Variants in CSPG5 observed in about 807,000 individuals in gnomAD.
The protein encoded by CSPG5 is acidic leucine-rich EGF-like domain-containing brain protein.
Under a neutral mutation model 39.8 loss-of-function variants are expected in CSPG5, and 25 were observed. That is an observed-to-expected ratio of 0.63 (90% CI 0.46 to 0.88). The LOEUF (loss-of-function observed/expected upper bound fraction) is 0.88. CSPG5 is among the 40% of genes least tolerant of loss of function. The probability of loss-of-function intolerance (pLI) is 0.00; values close to 1 mark genes in which losing one functional copy is unlikely to be tolerated. For missense variants in CSPG5, 627 were observed against 702.2 expected (o/e 0.89, Z 1.21); for synonymous variants, 295 against 303.9 (o/e 0.97, Z 0.31).
rs1379768815 is a variant in CSPG5 at position 47,577,252 on chromosome 3, G to T, written c.774C>A (p.Thr258=). Reference sequence around the variant, plus strand: ...GGTAGAAATCAGATTCATCGAAGGGGGTGAAATCATCGTATAAGTCAAGCA... The same window carrying T: ...GGTAGAAATCAGATTCATCGAAGGGTGTGAAATCATCGTATAAGTCAAGCA... ...WSLLDLYDDF[T]PFDESDFYPT... Residue 258 remains threonine, a synonymous_variant, in exon 2 of 5, where the codon ACC becomes ACA. Coordinates refer to ENST00000264723, the MANE Select transcript of CSPG5 (RefSeq NM_006574.4). This position sits in a 1 kb window ranked among gnomAD's most constrained non-coding sequence, Gnocchi z 4.7. 6.2e-7 allele frequency: 1 copy of T among 1,611,498 alleles called. No individual in the cohort carries two copies. Among genetic ancestry groups the T allele is most frequent in the South Asian group, 1.1e-5 (1 of 90,570 alleles).
At chr3:47,565,391 C>T (rs534046306) in intron 4 of CSPG5, among the ~76,000 whole-genome samples, 3 of 152,286 alleles carry the variant, frequency 2.0e-5, no homozygotes, top group African/African-American at 7.2e-5. Context: ...GAACTTGATC[C>T]TATTAAGCCA....
At chr3:47,565,982 C>T (rs2031281957) in intron 4 of CSPG5, among the ~76,000 whole-genome samples, 1 of 152,230 alleles carries the variant, frequency 6.6e-6, no homozygotes, top group Non-Finnish European at 1.5e-5. Context: ...CTAAGGCCCA[C>T]CAGCTACAGA....
At chr3:47,576,441 G>T (rs2031734271) in intron 2 of CSPG5, among the ~76,000 whole-genome samples, 1 of 151,360 alleles carries the variant, frequency 6.6e-6, no homozygotes, top group African/African-American at 2.4e-5. Flanking sequence ...TGCCTGTCAC[G>T]CTGCCCTCTG....
chr3:47,564,552 A>G (rs922017938), intron 4 of CSPG5, among the ~76,000 whole-genome samples: 1 of 152,206 alleles, frequency 6.6e-6, no homozygotes, highest in Admixed American at 6.5e-5. Flanking sequence ...AATGAACTTC[A>G]TAGAGTACTG....
At chr3:47,573,451 C>T (rs187029027) in intron 2 of CSPG5, among the ~76,000 whole-genome samples, 4 of 152,042 alleles carry the variant, frequency 2.6e-5, no homozygotes, top group South Asian at 2.1e-4. Flanking sequence ...TCTCTGCAGC[C>T]CCCCCAAGTT....
Position 47,572,465 on chromosome 3 carries a change from A to C in CSPG5, c.1382+221T>G, listed in dbSNP as rs185160828. 3.3e-3 allele frequency among the ~76,000 whole-genome samples: 501 copies of C among 152,352 alleles called. 2 individuals carry two copies. The highest frequency in any genetic ancestry group is 5.2e-3 in the Non-Finnish European group (357 of 68,028). ...TTTGGGAAAGCTGCTGGACAGTGGC[A>C]GTGTGCCACAGGGGCTTCACCTCTG... On this transcript the variant is annotated intron_variant, in intron 3 of 4. Coordinates refer to ENST00000264723, the MANE Select transcript of CSPG5 (RefSeq NM_006574.4). This position sits in a 1 kb window ranked among gnomAD's most constrained non-coding sequence, Gnocchi z 4.5.
intron 4 of CSPG5, among the ~76,000 whole-genome samples, chr3:47,566,617 C>T (rs1309362771): frequency 1.3e-5 from 2 of 152,124 alleles, no homozygotes; most frequent in Admixed American, 1.3e-4. Flanking sequence ...AGATGATGTC[C>T]CCTTGGGCAC....
chr3:47,569,876 T>C (rs1167062378), intron 3 of CSPG5, among the ~76,000 whole-genome samples: 2 of 151,484 alleles, frequency 1.3e-5, no homozygotes, highest in African/African-American at 4.9e-5. Flanking sequence ...GCCTCCCAAG[T>C]AGCTGGGACT....
chr3:47,565,248 G>A (rs2031248547), intron 4 of CSPG5, among the ~76,000 whole-genome samples: 1 of 152,064 alleles, frequency 6.6e-6, no homozygotes, highest in South Asian at 2.1e-4. Context: ...GCCAAGGGAT[G>A]GAAGAAGCAT....
At chr3:47,576,779 C>A (rs1450059767) in intron 2 of CSPG5, 54 bp downstream of exon 2, 2 of 1,508,208 alleles carry the variant, frequency 1.3e-6, no homozygotes, top group Admixed American at 2.3e-5. Flanking sequence ...TCTGTTGAGT[C>A]GGCCTCACAT....
At chr3:47,568,198 A>G (rs1466541613) in intron 4 of CSPG5, among the ~76,000 whole-genome samples, 2 of 152,226 alleles carry the variant, frequency 1.3e-5, no homozygotes, top group African/African-American at 4.8e-5. Flanking sequence ...TTATCTGTGT[A>G]ATAATCTGTG....
intron 4 of CSPG5, among the ~76,000 whole-genome samples, chr3:47,564,961 A>G (rs1045225890): frequency 2.0e-5 from 3 of 152,166 alleles, no homozygotes; most frequent in African/African-American, 7.2e-5. Flanking sequence ...ACTAAAATCT[A>G]GAACAGGACA....
chr3:47,571,086 CAATT>C (rs2031509204), intron 3 of CSPG5, among the ~76,000 whole-genome samples: 1 of 101,686 alleles, frequency 9.8e-6, no homozygotes, highest in Admixed American at 1.1e-4. Context: ...GACCCTGTCT[CAATT>C]AAATTAAAAA....
At position 47,569,112 on chromosome 3, in the gene CSPG5, G is replaced by A. The variant is rs375554532; in HGVS notation, c.1458+40C>T. The A allele has an allele frequency of 1.2e-5, 19 of 1,587,088 alleles. No individual in the cohort carries two copies. The highest frequency in any genetic ancestry group is 1.2e-4 in the South Asian group (10 of 86,842). On this transcript the variant is annotated intron_variant, in intron 4 of 4. Coordinates refer to ENST00000264723, the MANE Select transcript of CSPG5 (RefSeq NM_006574.4). The stretch of plus-strand genomic sequence containing the variant: ...TCATAGTGAGCCAAGGCACGGGCAT[G>A]GGGGGAGGAGGTACGGGGAGTGTTG...
In CSPG5 at chr3:47,562,749, C is replaced by A. The variant is rs2031134093; in HGVS notation, c.1471G>T (p.Ala491Ser). ...EGSHPNDDPS[A>S]PHKIQEVLKS... ...AGAACCTCCTGGATTTTGTGGGGAG[C>A]ACTAGGATCATCCTGGAAGAGGGAA... The change falls in exon 5 of 5, where the codon GCT becomes TCT. Residue 491 changes from alanine (A) to serine (S), a missense_variant. Physicochemically the swap from Ala to Ser is moderately conservative, Grantham distance 99. Transcript: ENST00000264723. 4 of 1,612,580 alleles carry A rather than the reference C, an allele frequency of 2.5e-6. No homozygotes were observed. Among genetic ancestry groups the A allele is most frequent in the East Asian group, 4.5e-5 (2 of 44,832 alleles).
chr3:47,577,782 GCTCGCCACCGGGCGCCGTC>G lies in CSPG5; in HGVS notation c.225_243del (p.Trp75CysfsTer15). The G allele has an allele frequency of 6.3e-7, 1 of 1,585,856 alleles. No individual in the cohort carries two copies. Among genetic ancestry groups the G allele is most frequent in the Non-Finnish European group, 8.5e-7 (1 of 1,173,910 alleles). ...TGCAGCACCTCTTCTGGCCCGGCCA[GCTCGCCACCGGGCGCCGTC>G]CACGACGCCTCATCTTCCCCAGCCG... On this transcript the variant is annotated frameshift_variant, in exon 2 of 5. Coordinates refer to ENST00000264723, the MANE Select transcript of CSPG5 (RefSeq NM_006574.4). LOFTEE classifies it high-confidence loss of function. The surrounding 1 kb of genome is among the most constrained non-coding windows in gnomAD (Gnocchi z 4.7).
chr3:47,578,119 A>C lies in CSPG5; in HGVS notation c.98-191T>G. ...AGCCCCGTCCCGGAGTCTGCCCCCA[A>C]GACGAGGATCACACCCCGCCCAACG... On this transcript the variant is annotated intron_variant, in intron 1 of 4. Transcript: ENST00000264723. The surrounding 1 kb of genome is among the most constrained non-coding windows in gnomAD (Gnocchi z 6.0). 1.1e-6 allele frequency: 1 copy of C among 882,064 alleles called. No individual in the cohort carries two copies. The highest frequency in any genetic ancestry group is 1.8e-5 in the African/African-American group (1 of 57,138). The allele number at this position is 882,064 out of a possible 1,614,324, so 54.6% of individuals were successfully genotyped here.
chr3:47,563,538 T>G (rs983667374), intron 4 of CSPG5, among the ~76,000 whole-genome samples: 3 of 152,164 alleles, frequency 2.0e-5, no homozygotes, highest in Non-Finnish European at 2.9e-5. Flanking sequence ...TTTATGTATT[T>G]ATGTATTTAT....
At chr3:47,571,184 T>A (rs1034357278) in intron 3 of CSPG5, among the ~76,000 whole-genome samples, 1 of 151,776 alleles carries the variant, frequency 6.6e-6, no homozygotes, top group South Asian at 2.1e-4. Flanking sequence ...TATTTTAGAA[T>A]AAATAAATTA....
Sources: gnomAD v4.1 joint callset for allele counts (sites outside exome capture counted in the v4.1 genomes callset) on GRCh38, gnomAD v4.1.1 for gene constraint, Gnocchi (gnomAD v3.1) non-coding constraint, MANE v1.5 for transcripts, NCBI Gene and HGNC (gene_info 2026-07-23, HGNC 2026-07-21) for gene names.